Variants in XYLT1 observed in about 807,000 individuals in gnomAD.
XYLT1 encodes xylosyltransferase 1.
A neutral mutation model predicts 91.3 loss-of-function variants in XYLT1; 36 were observed. The ratio of observed to expected loss-of-function variants is 0.39; its 90% CI spans 0.30 to 0.52. The LOEUF is 0.52. Among genes scored for constraint, XYLT1 ranks in the 20% least tolerant of loss-of-function variants. The pLI is 0.68. For missense variants in XYLT1, 1,242 were observed against 1,284.5 expected, an observed-to-expected ratio of 0.97 and a Z score of 0.51; for synonymous variants, 588 against 532.0, an observed-to-expected ratio of 1.11 and a Z score of -1.45.
intron 6 of XYLT1, among the ~76,000 whole-genome samples, chr16:17,156,652 A>G (rs77261556): frequency 0.026 from 3,933 of 152,344 alleles, 78 homozygotes; most frequent in Non-Finnish European, 0.038. Context: ...GGCTGTGAAA[A>G]CAAATATGGA....
intron 5 of XYLT1, among the ~76,000 whole-genome samples, chr16:17,183,075 C>A (rs2141570106): frequency 6.6e-6 from 1 of 152,310 alleles, no homozygotes; most frequent in Admixed American, 6.5e-5. Flanking sequence ...CAACACACTG[C>A]ATAAAGCATG....
chr16:17,228,664 G>C (rs528896105), intron 3 of XYLT1, among the ~76,000 whole-genome samples: 29 of 152,266 alleles, frequency 1.9e-4, no homozygotes, highest in African/African-American at 7.0e-4. Flanking sequence ...CTGATTGGAG[G>C]CAGCTTCATC....
intron 2 of XYLT1, among the ~76,000 whole-genome samples, chr16:17,284,172 G>T (rs1182288029): frequency 6.6e-6 from 1 of 152,216 alleles, no homozygotes; most frequent in African/African-American, 2.4e-5. Context: ...CAGTCCTGTT[G>T]CGAAGATCAA....
intron 5 of XYLT1, among the ~76,000 whole-genome samples, chr16:17,196,945 A>T (rs1406487890): frequency 6.7e-6 from 1 of 150,164 alleles, no homozygotes; most frequent in East Asian, 1.9e-4. Context: ...TGGTGGGTGG[A>T]GGCTGCAGCG....
intron 3 of XYLT1, among the ~76,000 whole-genome samples, chr16:17,204,392 G>C (rs1409749073): frequency 2.0e-5 from 3 of 152,138 alleles, no homozygotes; most frequent in Admixed American, 6.5e-5. Context: ...GTCATCTTTG[G>C]GTCAGACAGT....
chr16:17,165,346 G>C (rs184365222), intron 5 of XYLT1, among the ~76,000 whole-genome samples: 2 of 152,122 alleles, frequency 1.3e-5, no homozygotes, highest in African/African-American at 4.8e-5. Context: ...TCATCAGCAC[G>C]TACAGGCAGA....
intron 10 of XYLT1, among the ~76,000 whole-genome samples, chr16:17,124,291 C>T (rs1408956714): frequency 6.6e-6 from 1 of 152,178 alleles, no homozygotes; most frequent in African/African-American, 2.4e-5. Flanking sequence ...TTTACAGCTC[C>T]TTTTAGCAGT....
At chr16:17,410,246 G>A (rs2036090445) in intron 1 of XYLT1, among the ~76,000 whole-genome samples, 1 of 152,130 alleles carries the variant, frequency 6.6e-6, no homozygotes, top group Non-Finnish European at 1.5e-5. Context: ...GAGAAAAGCG[G>A]GTACATTAAG....
intron 2 of XYLT1, among the ~76,000 whole-genome samples, chr16:17,351,795 C>T (rs544384498): frequency 3.4e-4 from 51 of 150,872 alleles, no homozygotes; most frequent in African/African-American, 9.3e-4. Flanking sequence ...TAGTAGCATC[C>T]CTGATCTCTA....
At chr16:17,213,871 C>T (rs2032807803) in intron 3 of XYLT1, among the ~76,000 whole-genome samples, 1 of 152,160 alleles carries the variant, frequency 6.6e-6, no homozygotes, top group South Asian at 2.1e-4. Flanking sequence ...CCCGCCTCAG[C>T]CTCCCAAAGT....
At chr16:17,335,205 T>C (rs1447454408) in intron 2 of XYLT1, among the ~76,000 whole-genome samples, 1 of 149,238 alleles carries the variant, frequency 6.7e-6, no homozygotes, top group East Asian at 2.0e-4. Context: ...GGCGACAGAG[T>C]GAGACTCTGT....
chr16:17,141,708 C>A (rs1008393623), intron 6 of XYLT1, among the ~76,000 whole-genome samples: 3 of 152,156 alleles, frequency 2.0e-5, no homozygotes, highest in Admixed American at 2.0e-4. Context: ...TGGCAACAAC[C>A]TCCTTATGCC....
chr16:17,365,513 G>A (rs1452343526), intron 1 of XYLT1, among the ~76,000 whole-genome samples: 2 of 152,174 alleles, frequency 1.3e-5, no homozygotes, highest in Admixed American at 6.5e-5. Context: ...TTCAAATAGG[G>A]CTCAGGGGAG....
intron 2 of XYLT1, 42 bp from the exon 3 acceptor site, chr16:17,259,540 G>C (rs1158610549): frequency 1.3e-6 from 2 of 1,588,832 alleles, no homozygotes; most frequent in Non-Finnish European, 1.7e-6. Context: ...ACTTGACTGA[G>C]AGATCATGCT....
intron 7 of XYLT1, 58 bp from the exon 8 acceptor site, chr16:17,138,589 G>A (rs8047782): frequency 1.3e-6 from 2 of 1,580,820 alleles, no homozygotes; most frequent in Admixed American, 1.7e-5. Flanking sequence ...CAGATGAACT[G>A]GGGTGGGAAA....
At chr16:17,407,568 T>C (rs2036050433) in intron 1 of XYLT1, among the ~76,000 whole-genome samples, 1 of 152,192 alleles carries the variant, frequency 6.6e-6, no homozygotes, top group Non-Finnish European at 1.5e-5. Context: ...GCTGGGATTA[T>C]AGGCATGAGA....
At chr16:17,408,761 G>A (rs146951758) in intron 1 of XYLT1, among the ~76,000 whole-genome samples, 2,220 of 152,228 alleles carry the variant, frequency 0.015, 53 homozygotes, top group African/African-American at 0.051. Context: ...CAGGAGAATC[G>A]CTTGAACCCA....
chr16:17,442,019 G>A (rs925743169), intron 1 of XYLT1, among the ~76,000 whole-genome samples: 1 of 151,922 alleles, frequency 6.6e-6, no homozygotes, highest in African/African-American at 2.4e-5. Context: ...TTGCACTGGT[G>A]GCTGATCCAC....
intron 1 of XYLT1, among the ~76,000 whole-genome samples, chr16:17,396,509 T>C (rs1204390942): frequency 6.6e-6 from 1 of 152,184 alleles, no homozygotes; most frequent in African/African-American, 2.4e-5. Flanking sequence ...AATAAATGTG[T>C]TTATTCTTAG....
Sources: gnomAD v4.1 joint callset for allele counts (sites outside exome capture counted in the v4.1 genomes callset) on GRCh38, gnomAD v4.1.1 for gene constraint, MANE v1.5 for transcripts, NCBI Gene and HGNC (gene_info 2026-07-23, HGNC 2026-07-21) for gene names.